NCALD: variants seen among roughly 807,000 people sequenced by gnomAD.
The protein encoded by NCALD is neurocalcin delta.
A neutral mutation model predicts 18.6 loss-of-function variants in NCALD; 10 were observed. The ratio of observed to expected loss-of-function variants is 0.54; its 90% CI spans 0.33 to 0.91. NCALD has a LOEUF of 0.91. NCALD is among the 40% of genes least tolerant of loss of function. The probability of loss-of-function intolerance (pLI) is 0.03; values close to 1 mark genes in which losing one functional copy is unlikely to be tolerated. For synonymous variants in NCALD, 88 were observed against 87.4 expected (o/e 1.01, Z -0.04); for missense variants, 184 against 247.6 (o/e 0.74, Z 1.72).
At chr8:101,816,290 A>G (rs12335250) in intron 4 of NCALD, among the ~76,000 whole-genome samples, 4,059 of 152,248 alleles carry the variant, frequency 0.027, 195 homozygotes, top group African/African-American at 0.093. Context: ...ACAGTATGCA[A>G]GAAGGAGACT....
intron 1 of NCALD, among the ~76,000 whole-genome samples, chr8:102,058,449 ACCATTCATTTTTC>A (rs1823729278): frequency 1.3e-5 from 2 of 152,228 alleles, no homozygotes; most frequent in South Asian, 4.1e-4. Context: ...CCCTGTGGGC[ACCATTCATTTTTC>A]CCCCACAAAG....
intron 1 of NCALD, among the ~76,000 whole-genome samples, chr8:102,122,567 AAAT>A (rs1187678621): frequency 1.3e-5 from 2 of 152,188 alleles, no homozygotes; most frequent in African/African-American, 4.8e-5. Flanking sequence ...ACAACAACAA[AAAT>A]AATAAGAGCT....
chr8:101,941,335 G>A (rs566073602), intron 2 of NCALD, among the ~76,000 whole-genome samples: 3 of 152,186 alleles, frequency 2.0e-5, no homozygotes, highest in Non-Finnish European at 4.4e-5. Context: ...GTTCACAATA[G>A]AGCTCACGCT....
chr8:101,832,855 C>G (rs1421751825), intron 4 of NCALD, among the ~76,000 whole-genome samples: 2 of 152,214 alleles, frequency 1.3e-5, no homozygotes, highest in African/African-American at 4.8e-5. Context: ...ACTCATTATT[C>G]ACCTGCCAGG....
At chr8:101,828,941 G>A (rs540239739) in intron 4 of NCALD, among the ~76,000 whole-genome samples, 1 of 150,616 alleles carries the variant, frequency 6.6e-6, no homozygotes, top group South Asian at 2.1e-4. Context: ...GGGTGGGTGG[G>A]TGGACAGAAG....
At chr8:102,081,509 A>G (rs1824523526) in intron 1 of NCALD, among the ~76,000 whole-genome samples, 1 of 134,726 alleles carries the variant, frequency 7.4e-6, no homozygotes, top group Non-Finnish European at 1.5e-5. Context: ...ATTTACGCCT[A>G]TTTCTGATTT....
Position 101,804,980 on chromosome 8 carries a change from C to A in NCALD, c.-20+82161G>T, listed in dbSNP as rs112085820. ...TTACATGCAACACTACTTAATGACT[C>A]GGCATATATATGTTTATGTTAAAAC... is the stretch of plus-strand genomic sequence containing the variant. On this transcript the variant is annotated intron_variant, in intron 4 of 6. Transcript: ENST00000311028. Among the ~76,000 whole-genome samples, 869 of 152,102 alleles carry A rather than the reference C, an allele frequency of 5.7e-3. 11 individuals are homozygous for A. The highest frequency in any genetic ancestry group is 0.018 in the African/African-American group (764 of 41,498).
intron 4 of NCALD, among the ~76,000 whole-genome samples, chr8:101,873,977 T>G (rs1265919923): frequency 6.6e-6 from 1 of 152,238 alleles, no homozygotes; most frequent in Non-Finnish European, 1.5e-5. Flanking sequence ...AAAGGTCACA[T>G]GATTTGGCCC....
At chr8:101,739,956 T>A (rs140751709) in intron 1 of NCALD, among the ~76,000 whole-genome samples, 2 of 152,212 alleles carry the variant, frequency 1.3e-5, no homozygotes, top group East Asian at 3.8e-4. Context: ...GGAGGCTTCA[T>A]GAGGCCATTG....
chr8:101,843,433 T>C (rs1427226747), intron 4 of NCALD, among the ~76,000 whole-genome samples: 3 of 152,218 alleles, frequency 2.0e-5, no homozygotes, highest in Admixed American at 6.5e-5. Flanking sequence ...AGTATGTGCA[T>C]GTACATGTGC....
chr8:101,872,794 A>G (rs1816073901), intron 4 of NCALD, among the ~76,000 whole-genome samples: 1 of 152,146 alleles, frequency 6.6e-6, no homozygotes, highest in African/African-American at 2.4e-5. Context: ...CCAAAACTAT[A>G]TGTCATGGAG....
intron 1 of NCALD, among the ~76,000 whole-genome samples, chr8:102,093,248 C>T (rs1207267134): frequency 2.0e-5 from 3 of 152,076 alleles, no homozygotes; most frequent in Non-Finnish European, 4.4e-5. Flanking sequence ...AGGTGCTCTA[C>T]AAAGAACTAC....
At chr8:101,893,959 A>G (rs1817031455) in intron 3 of NCALD, among the ~76,000 whole-genome samples, 1 of 146,932 alleles carries the variant, frequency 6.8e-6, no homozygotes. Context: ...GATCAATGAG[A>G]CAGAAAGTCA....
At chr8:101,733,563 C>T (rs1009302575) in intron 1 of NCALD, among the ~76,000 whole-genome samples, 3 of 152,132 alleles carry the variant, frequency 2.0e-5, no homozygotes, top group Admixed American at 2.0e-4. Context: ...AGCAGGTGCT[C>T]GCTAAACATG....
intron 1 of NCALD, among the ~76,000 whole-genome samples, chr8:102,096,130 C>T (rs1825089117): frequency 6.6e-6 from 1 of 152,182 alleles, no homozygotes. Flanking sequence ...AAAGAAGAAT[C>T]TTATAGGGTA....
chr8:101,720,063 A>G (rs571240352), intron 1 of NCALD, among the ~76,000 whole-genome samples: 1 of 152,336 alleles, frequency 6.6e-6, no homozygotes, highest in Admixed American at 6.5e-5. Flanking sequence ...AGCAGGGAAA[A>G]TTAAAGGAAA....
chr8:101,833,610 G>GGTT (rs1814277618), intron 4 of NCALD, among the ~76,000 whole-genome samples: 1 of 88,474 alleles, frequency 1.1e-5, no homozygotes, highest in African/African-American at 4.4e-5. Context: ...TTTGTTTCTT[G>GGTT]TTTTTTTTTT....
intron 2 of NCALD, among the ~76,000 whole-genome samples, chr8:101,997,372 TTTTA>T (rs1196091994): frequency 6.6e-6 from 1 of 152,014 alleles, no homozygotes; most frequent in Non-Finnish European, 1.5e-5. Flanking sequence ...AAGAGCATGC[TTTTA>T]TTTTTTTTTT....
At chr8:101,813,041 G>A (rs1813364835) in intron 4 of NCALD, among the ~76,000 whole-genome samples, 1 of 152,080 alleles carries the variant, frequency 6.6e-6, no homozygotes, top group Admixed American at 6.6e-5. Context: ...GGTGCTTTCT[G>A]TGTGGCAGGC....
Sources: allele counts gnomAD v4.1 joint callset (sites outside exome capture counted in the v4.1 genomes callset), GRCh38; gene constraint gnomAD v4.1.1; transcripts MANE v1.5; gene names NCBI Gene and HGNC (gene_info 2026-07-23, HGNC 2026-07-21).